PITPNC1: variants seen among roughly 807,000 people sequenced by gnomAD.
PITPNC1 encodes cytoplasmic phosphatidylinositol transfer protein 1.
A neutral mutation model predicts 44.7 loss-of-function variants in PITPNC1; 18 were observed. That is an observed-to-expected ratio of 0.40 (90% CI 0.28 to 0.60). The LOEUF (loss-of-function observed/expected upper bound fraction) is 0.60, where lower values mean the gene tolerates loss of function less well. PITPNC1 is among the 20% of genes least tolerant of loss of function. PITPNC1 has a pLI of 0.39. For missense variants in PITPNC1, 290 were observed against 418.4 expected, an observed-to-expected ratio of 0.69 and a Z score of 2.68; for synonymous variants, 141 against 149.6, an observed-to-expected ratio of 0.94 and a Z score of 0.42.
intron 5 of PITPNC1, among the ~76,000 whole-genome samples, chr17:67,579,614 A>ATTTT (rs558310588): frequency 3.4e-5 from 3 of 88,784 alleles, no homozygotes; most frequent in Non-Finnish European, 6.3e-5. Flanking sequence ...TAAAATAGTG[A>ATTTT]TTTTTTTTTT....
intron 5 of PITPNC1, among the ~76,000 whole-genome samples, chr17:67,631,435 C>T (rs1012709237): frequency 1.4e-5 from 2 of 143,480 alleles, no homozygotes; most frequent in Admixed American, 1.4e-4. Flanking sequence ...CGAGACCATC[C>T]TGGCTAACAC....
chr17:67,404,326 A>AATTTT (rs1298365055), intron 1 of PITPNC1, among the ~76,000 whole-genome samples: 2 of 152,226 alleles, frequency 1.3e-5, no homozygotes, highest in Non-Finnish European at 2.9e-5. Flanking sequence ...ACGTAGATAC[A>AATTTT]ATTTTAGATT....
chr17:67,484,359 T>G (rs2039747550), intron 1 of PITPNC1, among the ~76,000 whole-genome samples: 1 of 152,204 alleles, frequency 6.6e-6, no homozygotes, highest in South Asian at 2.1e-4. Flanking sequence ...ATAGCCAACT[T>G]TTTCCATATT....
At chr17:67,519,930 A>T (rs866565345) in intron 1 of PITPNC1, among the ~76,000 whole-genome samples, 4 of 152,246 alleles carry the variant, frequency 2.6e-5, no homozygotes, top group Non-Finnish European at 5.9e-5. Flanking sequence ...TTGTCTAGGC[A>T]TGAAGTGCCT....
intron 5 of PITPNC1, among the ~76,000 whole-genome samples, chr17:67,629,256 G>GTGTGTGTGTGTGTGTGTA (rs2041935680): frequency 6.6e-6 from 1 of 151,430 alleles, no homozygotes; most frequent in Admixed American, 6.6e-5. Flanking sequence ...GTGTGTGTGT[G>GTGTGTGTGTGTGTGTGTA]TGTGTGTGTG....
At chr17:67,535,840 A>G (rs995227023) in intron 2 of PITPNC1, among the ~76,000 whole-genome samples, 1 of 152,276 alleles carries the variant, frequency 6.6e-6, no homozygotes. Context: ...GGACATCAGA[A>G]CAGAGTGTGG....
intron 5 of PITPNC1, among the ~76,000 whole-genome samples, chr17:67,629,764 A>T (rs2041943225): frequency 6.6e-6 from 1 of 152,156 alleles, no homozygotes; most frequent in African/African-American, 2.4e-5. Flanking sequence ...TTTCATTTCG[A>T]GGCAGTTCAC....
Position 67,668,358 on chromosome 17 carries a change from C to T in PITPNC1, c.463-1150C>T, listed in dbSNP as rs189461081. 1.1e-3 allele frequency among the ~76,000 whole-genome samples: 172 copies of T among 152,286 alleles called. 1 individual carries two copies. The highest frequency in any genetic ancestry group is 1.6e-3 in the Non-Finnish European group (109 of 68,028). On this transcript the variant is annotated intron_variant, in intron 6 of 8. Coordinates refer to ENST00000581322, the MANE Select transcript of PITPNC1 (RefSeq NM_012417.4). ...TGTAGTATTCCATTGTGCACCTAGA[C>T]CACAATTTATCTGTCTAGTTTCTTG...
At chr17:67,575,113 C>T (rs1045186978) in intron 4 of PITPNC1, among the ~76,000 whole-genome samples, 6 of 152,070 alleles carry the variant, frequency 3.9e-5, no homozygotes, top group South Asian at 4.2e-4. Context: ...CCCACACCCA[C>T]GCTCCACAAC....
intron 1 of PITPNC1, chr17:67,457,042 G>A (rs2039263823): frequency 6.6e-6 from 1 of 152,074 alleles, no homozygotes; most frequent in Non-Finnish European, 1.5e-5. Flanking sequence ...GTCTCACTAT[G>A]TTGGCCAGGC....
intron 8 of PITPNC1, among the ~76,000 whole-genome samples, chr17:67,690,577 T>C (rs1269758937): frequency 6.6e-6 from 1 of 152,114 alleles, no homozygotes; most frequent in African/African-American, 2.4e-5. Flanking sequence ...TATTATCTAA[T>C]GAAGTTTCAA....
chr17:67,532,700 G>A, intron 1 of PITPNC1, 102 bp from the exon 2 acceptor site: 1 of 858,510 alleles, frequency 1.2e-6, no homozygotes, highest in Non-Finnish European at 1.8e-6. Context: ...CTTCTCAGCA[G>A]AAGGTGCTGA....
rs142026869 is a variant in PITPNC1 at position 67,662,080 on chromosome 17, C to G, written c.463-7428C>G. 5.3e-3 allele frequency among the ~76,000 whole-genome samples: 804 copies of G among 152,194 alleles called. 6 individuals carry two copies. The highest frequency in any genetic ancestry group is 0.018 in the African/African-American group (766 of 41,518). On this transcript the variant is annotated intron_variant, in intron 6 of 8. Transcript: ENST00000581322. ...GTACATGCCCTGAAAAACCCACCGA[C>G]GCAACATAGCATTTTTCAGATTGTA...
intron 1 of PITPNC1, among the ~76,000 whole-genome samples, chr17:67,529,199 C>T (rs1169844750): frequency 1.3e-5 from 2 of 152,188 alleles, no homozygotes; most frequent in African/African-American, 4.8e-5. Flanking sequence ...TCAGCTGCCT[C>T]GGCCATTCCC....
At chr17:67,551,794 T>C (rs1304509735) in intron 2 of PITPNC1, among the ~76,000 whole-genome samples, 2 of 152,234 alleles carry the variant, frequency 1.3e-5, no homozygotes, top group Non-Finnish European at 2.9e-5. Flanking sequence ...AAGTTGCTGC[T>C]CTCTGTTGGT....
At chr17:67,534,521 C>T (rs1435454916) in intron 2 of PITPNC1, among the ~76,000 whole-genome samples, 1 of 151,752 alleles carries the variant, frequency 6.6e-6, no homozygotes, top group Non-Finnish European at 1.5e-5. Flanking sequence ...ACCTACAGCC[C>T]CAGCTACTTG....
At chr17:67,571,952 C>A (rs1354345611) in intron 4 of PITPNC1, among the ~76,000 whole-genome samples, 1 of 152,216 alleles carries the variant, frequency 6.6e-6, no homozygotes, top group African/African-American at 2.4e-5. Flanking sequence ...ATGTGTGCAC[C>A]AGTGGCTGGG....
intron 1 of PITPNC1, chr17:67,379,421 A>G (rs2037924444): frequency 1.0e-6 from 1 of 968,918 alleles, no homozygotes; most frequent in African/African-American, 1.8e-5. Context: ...CCAAGACAAG[A>G]TCAAAGTAGC....
At chr17:67,494,150 A>G (rs547059865) in intron 1 of PITPNC1, among the ~76,000 whole-genome samples, 1 of 82,734 alleles carries the variant, frequency 1.2e-5, no homozygotes, top group East Asian at 4.4e-4. Flanking sequence ...TCCACTAACA[A>G]TATGTGTAAC....
Sources: allele counts gnomAD v4.1 joint callset (sites outside exome capture counted in the v4.1 genomes callset), GRCh38; gene constraint gnomAD v4.1.1; transcripts MANE v1.5; gene names NCBI Gene and HGNC (gene_info 2026-07-23, HGNC 2026-07-21).